VIRMA: variants seen among roughly 807,000 people sequenced by gnomAD.
The protein encoded by VIRMA is vir like m6A methyltransferase associated, also known as protein virilizer homolog.
Under a neutral mutation model 182.4 loss-of-function variants are expected in VIRMA, and 65 were observed. The ratio of observed to expected loss-of-function variants is 0.36; its 90% CI spans 0.29 to 0.44. The LOEUF is 0.44. Among genes scored for constraint, VIRMA ranks in the 20% least tolerant of loss-of-function variants. The pLI is 1.00. For synonymous variants in VIRMA, 709 were observed against 743.1 expected, an observed-to-expected ratio of 0.95 and a Z score of 0.75; for missense variants, 1,752 against 2,158.1, an observed-to-expected ratio of 0.81 and a Z score of 3.73.
chr8:94,541,604 C>A (rs556593384), intron 2 of VIRMA, among the ~76,000 whole-genome samples: 6 of 151,762 alleles, frequency 4.0e-5, no homozygotes, highest in Non-Finnish European at 8.8e-5. Context: ...TGCAGTGGTG[C>A]GATCTCAGAT....
At chr8:94,498,882 AGCCT>A (rs1276965249) in intron 17 of VIRMA, 2 of 152,604 alleles carry the variant, frequency 1.3e-5, no homozygotes. Context: ...GTTCAAGACC[AGCCT>A]GGCCAACATG....
chr8:94,533,533 C>T (rs983514110), intron 5 of VIRMA: 8 of 152,264 alleles, frequency 5.3e-5, no homozygotes, highest in African/African-American at 1.9e-4. Context: ...CCTCAACTTC[C>T]CAGGCTCAAG....
intron 1 of VIRMA, among the ~76,000 whole-genome samples, chr8:94,548,013 C>A (rs1256582350): frequency 1.3e-5 from 2 of 150,856 alleles, no homozygotes; most frequent in Non-Finnish European, 2.9e-5. Flanking sequence ...CCAACCTGGG[C>A]AACAGAGCAA....
At chr8:94,531,250 C>T (rs1815162743) in intron 5 of VIRMA, among the ~76,000 whole-genome samples, 165 bp from the exon 6 acceptor site, 2 of 152,212 alleles carry the variant, frequency 1.3e-5, no homozygotes, top group African/African-American at 2.4e-5. Flanking sequence ...ATATAATGGG[C>T]TGACTGTCTG....
At chr8:94,517,328 G>C (rs562994869) in intron 10 of VIRMA, among the ~76,000 whole-genome samples, 1 of 152,092 alleles carries the variant, frequency 6.6e-6, no homozygotes, top group Non-Finnish European at 1.5e-5. Context: ...TCAGCCTCCC[G>C]AGTAGCTGGA....
intron 16 of VIRMA, among the ~76,000 whole-genome samples, chr8:94,504,302 C>T (rs1814082953): frequency 6.6e-6 from 1 of 152,016 alleles, no homozygotes; most frequent in Non-Finnish European, 1.5e-5. Flanking sequence ...CCCCCATTAC[C>T]TCCATAACCA....
At chr8:94,514,116 C>T (rs1390613767) in intron 11 of VIRMA, among the ~76,000 whole-genome samples, 2 of 151,942 alleles carry the variant, frequency 1.3e-5, no homozygotes, top group Non-Finnish European at 2.9e-5. Context: ...AACACACGTG[C>T]ATGCATGCGT....
At chr8:94,512,635 G>C (rs1019762155) in intron 11 of VIRMA, among the ~76,000 whole-genome samples, 1 of 152,128 alleles carries the variant, frequency 6.6e-6, no homozygotes, top group Non-Finnish European at 1.5e-5. Context: ...AAATCAGCCA[G>C]GCATGACGGT....
At chr8:94,501,818 A>G (rs1237322455) in intron 16 of VIRMA, among the ~76,000 whole-genome samples, 1 of 152,162 alleles carries the variant, frequency 6.6e-6, no homozygotes, top group African/African-American at 2.4e-5. Flanking sequence ...TTAGCCAGGC[A>G]TGGTGGCTTG....
At chr8:94,522,316 C>A (rs569476658) in intron 8 of VIRMA, among the ~76,000 whole-genome samples, 3 of 152,324 alleles carry the variant, frequency 2.0e-5, no homozygotes, top group Non-Finnish European at 2.9e-5. Context: ...TAGGCAGGCA[C>A]TATGTGACTC....
chr8:94,552,847 T>C (rs1816047844), intron 1 of VIRMA, among the ~76,000 whole-genome samples: 1 of 152,084 alleles, frequency 6.6e-6, no homozygotes. Flanking sequence ...GTGTGAAATC[T>C]CTCCGAGAGA....
At chr8:94,529,843 T>C (rs1313173239) in intron 6 of VIRMA, among the ~76,000 whole-genome samples, 3 of 152,160 alleles carry the variant, frequency 2.0e-5, no homozygotes, top group Non-Finnish European at 2.9e-5. Flanking sequence ...TTTCACTATG[T>C]TGGCCAGGCT....
chr8:94,508,432 C>A (rs1814243814), intron 15 of VIRMA, among the ~76,000 whole-genome samples: 1 of 152,082 alleles, frequency 6.6e-6, no homozygotes, highest in Admixed American at 6.6e-5. Flanking sequence ...GTTTTATCAT[C>A]TTTAATTACT....
intron 6 of VIRMA, among the ~76,000 whole-genome samples, chr8:94,529,582 C>T (rs1037130643): frequency 2.0e-5 from 3 of 151,920 alleles, no homozygotes; most frequent in African/African-American, 4.8e-5. Flanking sequence ...AGTAACTATA[C>T]ACGTTTTTGT....
chr8:94,496,271 C>T (rs3099408), intron 18 of VIRMA, 57 bp downstream of exon 18: 119,857 of 1,449,434 alleles, frequency 0.083, 7,059 homozygotes, highest in African/African-American at 0.24. Context: ...AATACTTGTA[C>T]TAGTCAAACT....
At chr8:94,536,908 G>C (rs539175422) in intron 4 of VIRMA, among the ~76,000 whole-genome samples, 195 bp downstream of exon 4, 14 of 152,276 alleles carry the variant, frequency 9.2e-5, no homozygotes, top group Middle Eastern at 3.4e-3. Context: ...GAACCTGGGA[G>C]GCAGAGCTTG....
In VIRMA at chr8:94,491,690, C is replaced by A; in HGVS notation, c.5028G>T (p.Arg1676=). The change falls in exon 22 of 24, where the codon CGG becomes CGT. Residue 1676 remains arginine (R), a synonymous_variant. Transcript: ENST00000297591. ...AAATCTTCTGTGATACTTTGAGTGG[C>A]CGTTTTGGTGGAGGTATTCCATCTT... The part of the protein sequence containing the change: ...VPQDGIPPPK[R]PLKVSQKISS... 3 of 1,614,188 alleles carry A rather than the reference C, an allele frequency of 1.9e-6. No homozygotes were observed. The highest frequency in any genetic ancestry group is 2.5e-6 in the Non-Finnish European group (3 of 1,180,034).
Position 94,526,861 on chromosome 8 carries a change from T to C in VIRMA, c.1383A>G (p.Lys461=), listed in dbSNP as rs1814989602. 6 of 1,614,202 alleles carry C rather than the reference T, an allele frequency of 3.7e-6. No individual in the cohort carries two copies. In the East Asian group the frequency reaches 1.1e-4, roughly 30 times the overall value. The change falls in exon 8 of 24, where the codon AAA becomes AAG. Residue 461 remains lysine, a synonymous_variant. Transcript: ENST00000297591. ...LNVRQLKAGT[K]LVSSLAECGA... is the part of the protein sequence containing the mutation. ...CACATTCTGCTAGTGAGGACACTAA[T>C]TTGGTCCCAGCTTTGAGCTGTCGAA... is the stretch of plus-strand genomic sequence containing the variant.
intron 1 of VIRMA, among the ~76,000 whole-genome samples, chr8:94,545,482 TTGC>T (rs780567696): frequency 2.6e-5 from 4 of 152,222 alleles, no homozygotes; most frequent in South Asian, 2.1e-4. Flanking sequence ...GTTTCTGTAT[TTGC>T]TGCTACCAGT....
Sources: allele counts gnomAD v4.1 joint callset (sites outside exome capture counted in the v4.1 genomes callset), GRCh38; gene constraint gnomAD v4.1.1; transcripts MANE v1.5; gene names NCBI Gene and HGNC (gene_info 2026-07-23, HGNC 2026-07-21).